The following PIWIL2 variants were observed in gnomAD, a reference collection of about 807,000 sequenced individuals.
The protein encoded by PIWIL2 is piwi like RNA-mediated gene silencing 2.
PIWIL2 carries 81 observed loss-of-function variants against 116.5 expected under a neutral mutation model. The ratio of observed to expected loss-of-function variants is 0.70; its 90% CI spans 0.58 to 0.84. The LOEUF (loss-of-function observed/expected upper bound fraction) is 0.84, where lower values mean the gene tolerates loss of function less well. Among genes scored for constraint, PIWIL2 ranks in the 40% least tolerant of loss-of-function variants. The pLI is 0.00. For missense variants in PIWIL2, 1,272 were observed against 1,212.3 expected, an observed-to-expected ratio of 1.05 and a Z score of -0.73; for synonymous variants, 489 against 429.5, an observed-to-expected ratio of 1.14 and a Z score of -1.71.
intron 20 of PIWIL2, among the ~76,000 whole-genome samples, chr8:22,319,209 CTCAG>C (rs1831538500): frequency 6.6e-6 from 1 of 152,230 alleles, no homozygotes; most frequent in African/African-American, 2.4e-5. Flanking sequence ...TATGATTGAA[CTCAG>C]TCTCTAAGGC....
At chr8:22,339,881 T>A (rs1371641889) in intron 20 of PIWIL2, among the ~76,000 whole-genome samples, 1 of 152,104 alleles carries the variant, frequency 6.6e-6, no homozygotes, top group Non-Finnish European at 1.5e-5. Flanking sequence ...AAATATCATT[T>A]GTCATTAGGG....
chr8:22,296,329 G>T (rs951263859), intron 10 of PIWIL2, among the ~76,000 whole-genome samples: 3 of 152,188 alleles, frequency 2.0e-5, no homozygotes, highest in Admixed American at 1.3e-4. Context: ...ACAGGCATGA[G>T]CCACCGCGCC....
At chr8:22,342,210 C>T (rs1006943796) in intron 20 of PIWIL2, among the ~76,000 whole-genome samples, 1 of 152,128 alleles carries the variant, frequency 6.6e-6, no homozygotes, top group African/African-American at 2.4e-5. Flanking sequence ...TAAGAAGACT[C>T]AATATCGTTA....
At chr8:22,335,088 C>G (rs1831950219) in intron 20 of PIWIL2, among the ~76,000 whole-genome samples, 1 of 150,796 alleles carries the variant, frequency 6.6e-6, no homozygotes, top group Non-Finnish European at 1.5e-5. Flanking sequence ...TTTTAATCCC[C>G]AAAAGGACCA....
chr8:22,290,996 T>C (rs929815436), intron 10 of PIWIL2, among the ~76,000 whole-genome samples: 2 of 144,598 alleles, frequency 1.4e-5, no homozygotes, highest in Non-Finnish European at 3.1e-5. Flanking sequence ...TGAGACAGAG[T>C]CTCACTCTAT....
At chr8:22,307,573 C>T (rs528958003) in intron 13 of PIWIL2, among the ~76,000 whole-genome samples, 9 of 147,640 alleles carry the variant, frequency 6.1e-5, no homozygotes, top group Middle Eastern at 3.5e-3. Context: ...GCCTCAATCC[C>T]TTGGGCTCAA....
chr8:22,352,849 C>T, intron 20 of PIWIL2, 110 bp from the exon 21 acceptor site: 1 of 1,137,352 alleles, frequency 8.8e-7, no homozygotes, highest in South Asian at 1.6e-5. Context: ...GCACTAACTG[C>T]AAAAGGATCT....
At chr8:22,327,371 T>G (rs1052809747) in intron 20 of PIWIL2, among the ~76,000 whole-genome samples, 7 of 145,214 alleles carry the variant, frequency 4.8e-5, no homozygotes, top group Admixed American at 1.4e-4. Context: ...TTTGTTTCGT[T>G]TTTTTTTTTT....
rs750288681 is a variant in PIWIL2, at chr8:22,304,775, C to T, written c.1371-9C>T. On this transcript the variant is annotated splice_polypyrimidine_tract_variant and intron_variant, in intron 11 of 22. Transcript: ENST00000356766. Reference sequence around the variant, plus strand: ...TCTGAAATTTTTTCCTGCCTCTACTCTGCTCTAGCAAAAATTATGGGATCA... The same window carrying T: ...TCTGAAATTTTTTCCTGCCTCTACTTTGCTCTAGCAAAAATTATGGGATCA... 1 of 1,602,598 alleles carries T rather than the reference C, an allele frequency of 6.2e-7. No homozygotes were observed. The highest frequency in any genetic ancestry group is 2.2e-5 in the East Asian group (1 of 44,844).
chr8:22,306,117 G>A (rs1415523786), intron 13 of PIWIL2, 101 bp downstream of exon 13: 6 of 779,672 alleles, frequency 7.7e-6, no homozygotes, highest in Non-Finnish European at 9.0e-6. Context: ...CTCTGATGTT[G>A]GCTTGCATTG....
chr8:22,340,045 A>ATTTTTTTTTTTTTTTTTTTTTTTTTTTT (rs10626386), intron 20 of PIWIL2, among the ~76,000 whole-genome samples: 2 of 93,772 alleles, frequency 2.1e-5, no homozygotes, highest in African/African-American at 4.1e-5. Context: ...TATAAAAAGA[A>ATTTTTTTTTTTTTTTTTTTTTTTTTTTT]TTTTTTTTTT....
chr8:22,279,753 G>A (rs1830458528), intron 2 of PIWIL2, among the ~76,000 whole-genome samples, 169 bp downstream of exon 2: 1 of 152,214 alleles, frequency 6.6e-6, no homozygotes, highest in South Asian at 2.1e-4. Context: ...GGGAGTTCAA[G>A]ACCAGCCTGG....
At chr8:22,345,774 G>A (rs895059829) in intron 20 of PIWIL2, among the ~76,000 whole-genome samples, 8 of 152,172 alleles carry the variant, frequency 5.3e-5, no homozygotes, top group African/African-American at 1.7e-4. Context: ...AATAAGGAAC[G>A]AAGGACTGAG....
At chr8:22,340,317 G>A (rs1344115552) in intron 20 of PIWIL2, among the ~76,000 whole-genome samples, 5 of 151,940 alleles carry the variant, frequency 3.3e-5, no homozygotes, top group Admixed American at 6.6e-5. Flanking sequence ...TCGGCCTCCC[G>A]AAGTGCTGGA....
At chr8:22,290,796 G>A (rs550459987) in intron 10 of PIWIL2, among the ~76,000 whole-genome samples, 1 of 151,794 alleles carries the variant, frequency 6.6e-6, no homozygotes, top group Non-Finnish European at 1.5e-5. Flanking sequence ...GAATATATGT[G>A]CCCTCGTCTC....
chr8:22,354,361 C>A lies in PIWIL2; in HGVS notation c.2748C>A (p.Ser916Arg). 6.2e-7 allele frequency: 1 copy of A among 1,609,436 alleles called. No homozygotes were observed. The highest frequency in any genetic ancestry group is 8.5e-7 in the Non-Finnish European group (1 of 1,175,864). The change falls in exon 22 of 23, where the codon AGC (serine) becomes AGA (arginine). Residue 916 changes from serine to arginine, a missense_variant. Physicochemically the swap from Ser to Arg is moderately radical, Grantham distance 110. Transcript: ENST00000356766. ...YVCVLNTANL[S>R]PDHMQRLTFK... Reference sequence around the variant, plus strand: ...GTGTTCTCAACACCGCAAACCTGAGCCCTGATCATATGCAGAGGTGGGCCC... The same window carrying A: ...GTGTTCTCAACACCGCAAACCTGAGACCTGATCATATGCAGAGGTGGGCCC...
chr8:22,311,526 T>A (rs767440849), intron 16 of PIWIL2, among the ~76,000 whole-genome samples: 2 of 152,248 alleles, frequency 1.3e-5, no homozygotes, highest in African/African-American at 2.4e-5. Flanking sequence ...TTCTTTTTCT[T>A]ACGTAACTGG....
At chr8:22,330,946 G>A (rs1300561120) in intron 20 of PIWIL2, among the ~76,000 whole-genome samples, 2 of 152,048 alleles carry the variant, frequency 1.3e-5, no homozygotes, top group South Asian at 2.1e-4. Context: ...AGGCTGAGGC[G>A]GGTGGATCCC....
chr8:22,343,912 T>A (rs1352279424), intron 20 of PIWIL2, among the ~76,000 whole-genome samples: 2 of 152,212 alleles, frequency 1.3e-5, no homozygotes. Context: ...GTTGAAAACT[T>A]ACGCCCACAC....
Sources: gnomAD v4.1 joint callset for allele counts (sites outside exome capture counted in the v4.1 genomes callset) on GRCh38, gnomAD v4.1.1 for gene constraint, MANE v1.5 for transcripts, NCBI Gene and HGNC (gene_info 2026-07-23, HGNC 2026-07-21) for gene names.